Variants in ATM observed in about 807,000 individuals in gnomAD.
ATM encodes serine-protein kinase ATM.
ATM carries 308 observed loss-of-function variants against 387.0 expected under a neutral mutation model. The ratio of observed to expected loss-of-function variants is 0.80; its 90% CI spans 0.73 to 0.87. The LOEUF (loss-of-function observed/expected upper bound fraction) is 0.87. Ranked by LOEUF, ATM falls within the 40% of genes least tolerant of loss-of-function variation. ATM has a pLI of 0.00. For synonymous variants in ATM, 1,156 were observed against 1,187.3 expected (o/e 0.97, Z 0.54); for missense variants, 3,312 against 3,560.9 (o/e 0.93, Z 1.78).
rs1296546300 is a variant in ATM, at chr11:108,367,971, T to TATCA, written c.*2465_*2468dup. 3 of 204,854 alleles carry TATCA rather than the reference T, an allele frequency of 1.5e-5. No homozygotes were observed. The highest frequency in any genetic ancestry group is 3.0e-5 in the Non-Finnish European group (3 of 99,962). 12.7% of individuals were successfully genotyped at this position (204,854 alleles called of 1,614,324 possible). On this transcript the variant is annotated 3_prime_UTR_variant, in exon 63 of 63. Coordinates refer to ENST00000675843, the MANE Select transcript of ATM (RefSeq NM_000051.4). ...AATCTTCATGGGTGAAATTAGAAAT[T>TATCA]ATCAACTAGATAATAGTATAGATAA...
At chr11:108,335,287 G>A (rs967429396) in intron 55 of ATM, 178 bp downstream of exon 55, 2 of 1,512,894 alleles carry the variant, frequency 1.3e-6, no homozygotes, top group Non-Finnish European at 8.8e-7. Context: ...CATTTTTTTT[G>A]TGTCTCTGAA....
chr11:108,298,712 A>C (rs969939504), intron 33 of ATM, among the ~76,000 whole-genome samples: 28 of 152,340 alleles, frequency 1.8e-4, no homozygotes, highest in Middle Eastern at 3.4e-3. Flanking sequence ...CAAGAAAAAG[A>C]AATTAAAAGC....
intron 61 of ATM, among the ~76,000 whole-genome samples, chr11:108,359,362 C>T (rs140337282): frequency 3.4e-4 from 51 of 151,994 alleles, no homozygotes; most frequent in Non-Finnish European, 6.6e-4. Flanking sequence ...CTTTAACACC[C>T]CACTGTCAAC....
chr11:108,250,054 G>T (rs534736045), intron 9 of ATM, among the ~76,000 whole-genome samples: 1 of 151,372 alleles, frequency 6.6e-6, no homozygotes, highest in African/African-American at 2.4e-5. Flanking sequence ...CAGTTTTTTG[G>T]GTTTCTTTGT....
chr11:108,359,784 C>G (rs1831304155), intron 61 of ATM, among the ~76,000 whole-genome samples: 2 of 152,108 alleles, frequency 1.3e-5, no homozygotes, highest in Non-Finnish European at 1.5e-5. Context: ...ATCTCTGGGA[C>G]ACATTCAAAG....
chr11:108,361,641 C>T (rs1331200499), intron 61 of ATM, among the ~76,000 whole-genome samples: 1 of 151,608 alleles, frequency 6.6e-6, no homozygotes, highest in Non-Finnish European at 1.5e-5. Flanking sequence ...AGAAATAACG[C>T]CGCATGTCTA....
rs533873986 is a variant in ATM at position 108,336,610 on chromosome 11, G to A, written c.8268+649G>A. On this transcript the variant is annotated intron_variant, in intron 56 of 62. Coordinates refer to ENST00000675843, the MANE Select transcript of ATM (RefSeq NM_000051.4). ...TCAGTCTTTTGCTGCTACAAACAAC[G>A]CTGTATTGTAGTGAATAACCTTGAA... Among the ~76,000 whole-genome samples the A allele has an allele frequency of 3.0e-3, 460 of 152,286 alleles. 5 individuals carry two copies. Among genetic ancestry groups the A allele is most frequent in the African/African-American group, 0.011 (448 of 41,578 alleles).
At chr11:108,285,642 T>A (rs2082453238) in intron 26 of ATM, among the ~76,000 whole-genome samples, 1 of 152,122 alleles carries the variant, frequency 6.6e-6, no homozygotes, top group Admixed American at 6.5e-5. Context: ...GTTATCTATA[T>A]TGAACCAAGA....
chr11:108,358,387 G>A (rs1283713352), intron 61 of ATM, among the ~76,000 whole-genome samples: 1 of 145,590 alleles, frequency 6.9e-6, no homozygotes, highest in African/African-American at 2.6e-5. Flanking sequence ...TATTATCCAG[G>A]AGAACTTCCC....
In ATM at chr11:108,367,841, T is replaced by C. The variant is rs1260466781; in HGVS notation, c.*2333T>C. ...ACAAACTTACCTTGGTGTATCTTTT[T>C]CTTACAAGCTGCCTAAATGAATATT... is the stretch of plus-strand genomic sequence containing the variant. On this transcript the variant is annotated 3_prime_UTR_variant, in exon 63 of 63. Transcript: ENST00000675843. The C allele has an allele frequency of 4.8e-6, 1 of 207,766 alleles. No homozygotes were observed. Among genetic ancestry groups the C allele is most frequent in the African/African-American group, 2.3e-5 (1 of 43,904 alleles). The allele number at this position is 207,766 out of a possible 1,614,324, so 12.9% of individuals were successfully genotyped here.
At chr11:108,249,633 T>C (rs2080031068) in intron 9 of ATM, among the ~76,000 whole-genome samples, 1 of 152,232 alleles carries the variant, frequency 6.6e-6, no homozygotes, top group Admixed American at 6.5e-5. Context: ...CTGGTAAGGA[T>C]GTTTAGAATT....
chr11:108,366,394 ATGT>A lies in ATM; in HGVS notation c.*888_*890del. On this transcript the variant is annotated 3_prime_UTR_variant, in exon 63 of 63. Coordinates refer to ENST00000675843, the MANE Select transcript of ATM (RefSeq NM_000051.4). ...TCTCTGTTTCTTGATGTCATTTTTA[ATGT>A]TTTTTTAATGTTTTTTATGTCACTA... 4.6e-6 allele frequency: 1 copy of A among 216,956 alleles called. No individual in the cohort carries two copies. 13.4% of individuals were successfully genotyped at this position (216,956 alleles called of 1,614,324 possible).
At chr11:108,306,227 AG>A (rs2083682346) in intron 37 of ATM, among the ~76,000 whole-genome samples, 1 of 152,220 alleles carries the variant, frequency 6.6e-6, no homozygotes. Context: ...ACATAGACAT[AG>A]ATGCCCATCC....
At chr11:108,271,688 C>G (rs1374651283) in intron 20 of ATM, among the ~76,000 whole-genome samples, 1 of 152,180 alleles carries the variant, frequency 6.6e-6, no homozygotes, top group African/African-American at 2.4e-5. Flanking sequence ...AAGCCAAAAT[C>G]AGTTGAATTG....
Position 108,293,309 on chromosome 11 carries a change from T to A in ATM, c.4612-4T>A, listed in dbSNP as rs569983068. The stretch of plus-strand genomic sequence containing the variant: ...ATAATTTTTTCTTTTTAAATTATAT[T>A]TAGGTATTGGACTTGTTGAAATACT... On this transcript the variant is annotated splice_region_variant and splice_polypyrimidine_tract_variant and intron_variant, in intron 30 of 62. Transcript: ENST00000675843. The A allele has an allele frequency of 6.7e-7, 1 of 1,483,712 alleles. No individual in the cohort carries two copies. Among genetic ancestry groups the A allele is most frequent in the South Asian group, 1.2e-5 (1 of 80,620 alleles). The allele number at this position is 1,483,712 out of a possible 1,614,324, so 91.9% of individuals were successfully genotyped here.
intron 23 of ATM, 37 bp from the exon 24 acceptor site, chr11:108,280,958 A>T (rs1263629324): frequency 6.5e-7 from 1 of 1,549,820 alleles, no homozygotes; most frequent in Non-Finnish European, 8.8e-7. Context: ...AAACATTTAC[A>T]TTTTACATTA....
chr11:108,240,955 C>T (rs1424053321), intron 5 of ATM, among the ~76,000 whole-genome samples: 1 of 152,138 alleles, frequency 6.6e-6, no homozygotes, highest in East Asian at 1.9e-4. Context: ...AATACAAATG[C>T]ATTGTACAGC....
At chr11:108,280,604 C>G (rs994372582) in intron 23 of ATM, among the ~76,000 whole-genome samples, 15 of 152,002 alleles carry the variant, frequency 9.9e-5, no homozygotes, top group African/African-American at 3.6e-4. Context: ...AAACAAATAT[C>G]CTTTGTGTTA....
intron 4 of ATM, among the ~76,000 whole-genome samples, chr11:108,232,527 C>CTTTTTTTTTTTTTTTTTTTTTTTTT (rs71047685): frequency 1.7e-5 from 1 of 58,178 alleles, no homozygotes; most frequent in African/African-American, 6.5e-5. Context: ...GATTTCTCTC[C>CTTTTTTTTTTTTTTTTTTTTTTTTT]TTTTTTTTTT....
Sources: allele counts gnomAD v4.1 joint callset (sites outside exome capture counted in the v4.1 genomes callset), GRCh38; gene constraint gnomAD v4.1.1; transcripts MANE v1.5; gene names NCBI Gene and HGNC (gene_info 2026-07-23, HGNC 2026-07-21).